The following STS variants were observed in gnomAD, a reference collection of about 807,000 sequenced individuals.
STS encodes steryl-sulfatase.
A neutral mutation model predicts 26.8 loss-of-function variants in STS; 7 were observed. That is an observed-to-expected ratio of 0.26 (90% confidence interval 0.15 to 0.49). The LOEUF is 0.49. STS is among the 20% of genes least tolerant of loss of function. The probability of loss-of-function intolerance (pLI) is 0.98; values close to 1 mark genes in which losing one functional copy is unlikely to be tolerated. For missense variants in STS, 434 were observed against 465.6 expected (o/e 0.93, Z 0.63); for synonymous variants, 199 against 189.4 (o/e 1.05, Z -0.42).
At chrX:7,270,968 G>A (rs1924239267) in intron 6 of STS, among the ~76,000 whole-genome samples, 1 of 108,556 alleles carries the variant, frequency 9.2e-6, no homozygotes, top group African/African-American at 3.3e-5. Context: ...CAATCATGTT[G>A]ATGGATGTCT....
At chrX:7,328,608 C>T (rs777119069) in intron 9 of STS, among the ~76,000 whole-genome samples, 1 of 101,091 alleles carries the variant, frequency 9.9e-6, no homozygotes, top group Admixed American at 1.1e-4. Context: ...GGCTAGAGTG[C>T]AGTGGTGCAA....
At chrX:7,300,497 T>C (rs1925913263) in intron 7 of STS, among the ~76,000 whole-genome samples, 1 of 112,090 alleles carries the variant, frequency 8.9e-6, no homozygotes, top group Non-Finnish European at 1.9e-5. Flanking sequence ...GGGAAACATG[T>C]TAGACCTTTG....
chrX:7,272,537 A>G (rs774184918), intron 6 of STS, among the ~76,000 whole-genome samples: 1 of 111,971 alleles, frequency 8.9e-6, no homozygotes, highest in African/African-American at 3.2e-5. Flanking sequence ...CATCCCTTCT[A>G]AGTAACAAGA....
At chrX:7,337,455 T>C (rs1325795738) in intron 10 of STS, among the ~76,000 whole-genome samples, 1 of 112,184 alleles carries the variant, frequency 8.9e-6, no homozygotes. Flanking sequence ...GATCTTAAAC[T>C]AGTAATAGTT....
chrX:7,298,704 C>G (rs1341852291), intron 7 of STS, among the ~76,000 whole-genome samples: 2 of 109,990 alleles, frequency 1.8e-5, no homozygotes, highest in South Asian at 3.8e-4. Context: ...TAGCCACCCC[C>G]AGGTGGTACA....
At chrX:7,157,552 T>TA (rs763287102) in intron 1 of STS, among the ~76,000 whole-genome samples, 8 of 112,278 alleles carry the variant, frequency 7.1e-5, no homozygotes, top group African/African-American at 2.6e-4. Flanking sequence ...TTCATGATCT[T>TA]AAAGCACAGT....
At chrX:7,154,710 A>G (rs1337410465) in intron 1 of STS, among the ~76,000 whole-genome samples, 1 of 111,885 alleles carries the variant, frequency 8.9e-6, no homozygotes, top group Admixed American at 9.5e-5. Flanking sequence ...ATATGTTTTC[A>G]AAATTTCTTA....
chrX:7,283,472 A>T (rs1924974447), intron 7 of STS, among the ~76,000 whole-genome samples: 1 of 111,985 alleles, frequency 8.9e-6, no homozygotes, highest in Admixed American at 9.5e-5. Flanking sequence ...ATTACAGAGA[A>T]TGATATTTGA....
At chrX:7,235,421 G>A (rs1391534771) in intron 2 of STS, among the ~76,000 whole-genome samples, 2 of 111,936 alleles carry the variant, frequency 1.8e-5, no homozygotes, top group East Asian at 5.6e-4. Flanking sequence ...AGTTGCCTTG[G>A]TCTGTGGTAT....
chrX:7,180,411 G>A lies in STS; in HGVS notation c.-133-10469G>A, dbSNP rs763485928. On this transcript the variant is annotated intron_variant, in intron 1 of 10. Transcript: ENST00000674429. ...TAATGCAGCCACGGATCTGACAGGA[G>A]GCGGAGCTCAGGTGGTAATGCAAGG... Among the ~76,000 whole-genome samples the A allele has an allele frequency of 3.6e-5, 4 of 111,672 alleles. No individual in the cohort carries two copies. In the South Asian group the frequency reaches 1.5e-3, roughly 42 times the overall value.
rs749886394 is a variant in STS, at chrX:7,276,096, C to A, written c.943+9C>A. On this transcript the variant is annotated intron_variant, in intron 7 of 10. Transcript: ENST00000674429. Reference sequence around the variant, plus strand: ...AATGGACTGGAGTGTGGGTACGTTTCTCCTCAGTGAGTGCTTAGAAAGCTG... The same window carrying A: ...AATGGACTGGAGTGTGGGTACGTTTATCCTCAGTGAGTGCTTAGAAAGCTG... 4.1e-6 allele frequency: 5 copies of A among 1,208,631 alleles called. No individual in the cohort carries two copies. In the East Asian group the frequency reaches 8.9e-5, roughly 22 times the overall value.
intron 6 of STS, among the ~76,000 whole-genome samples, chrX:7,272,092 C>G (rs1350628782): frequency 1.8e-5 from 2 of 109,954 alleles, no homozygotes; most frequent in Non-Finnish European, 3.8e-5. Flanking sequence ...AAGCATATAT[C>G]CATTTATTGT....
intron 1 of STS, among the ~76,000 whole-genome samples, chrX:7,166,002 C>CTT (rs777828028): frequency 1.5e-4 from 14 of 93,353 alleles, no homozygotes; most frequent in Non-Finnish European, 2.2e-4. Flanking sequence ...CTGTCGCTGT[C>CTT]TTTTTTTTTT....
At chrX:7,296,282 A>G (rs759344123) in intron 7 of STS, among the ~76,000 whole-genome samples, 1 of 112,197 alleles carries the variant, frequency 8.9e-6, no homozygotes, top group African/African-American at 3.2e-5. Context: ...TCCCAGGGCA[A>G]GTTCAGCTGA....
At chrX:7,337,643 G>A (rs1928096903) in intron 10 of STS, among the ~76,000 whole-genome samples, 1 of 112,361 alleles carries the variant, frequency 8.9e-6, no homozygotes, top group African/African-American at 3.2e-5. Flanking sequence ...AGCAGGCAGT[G>A]GTATGCTGGA....
intron 8 of STS, among the ~76,000 whole-genome samples, chrX:7,305,737 G>A (rs186940810): frequency 8.7e-4 from 97 of 111,322 alleles, no homozygotes; most frequent in African/African-American, 2.5e-3. Flanking sequence ...TCAAACCTCC[G>A]TGTCTGTGTC....
chrX:7,246,793 T>C (rs1922904584), intron 2 of STS, among the ~76,000 whole-genome samples: 1 of 112,592 alleles, frequency 8.9e-6, no homozygotes, highest in Non-Finnish European at 1.9e-5. Context: ...ATGAAGCCAT[T>C]ACATATCTTT....
chrX:7,253,093 G>T, intron 2 of STS, 103 bp from the exon 3 acceptor site: 1 of 993,491 alleles, frequency 1.0e-6, no homozygotes, highest in Non-Finnish European at 1.4e-6. Context: ...CAAGGTTGCA[G>T]TGAGCTAAGA....
chrX:7,283,113 G>C (rs1924955554), intron 7 of STS, among the ~76,000 whole-genome samples: 1 of 111,810 alleles, frequency 8.9e-6, no homozygotes, highest in Admixed American at 9.5e-5. Flanking sequence ...TTTCCCTTGG[G>C]GTGTAATGCA....
Sources: allele counts gnomAD v4.1 joint callset (sites outside exome capture counted in the v4.1 genomes callset), GRCh38; gene constraint gnomAD v4.1.1; transcripts MANE v1.5; gene names NCBI Gene and HGNC (gene_info 2026-07-23, HGNC 2026-07-21).